The following CRYBG1 variants were observed in gnomAD, a reference collection of about 807,000 sequenced individuals.
CRYBG1 encodes beta/gamma crystallin domain-containing protein 1.
Under a neutral mutation model 189.2 loss-of-function variants are expected in CRYBG1, and 139 were observed. The observed-to-expected ratio is 0.73, with a 90% CI of 0.64 to 0.85. The LOEUF is 0.85. Ranked by LOEUF, CRYBG1 falls within the 40% of genes least tolerant of loss-of-function variation. The pLI, the probability that CRYBG1 is intolerant of heterozygous loss-of-function variation, is 0.00. For synonymous variants in CRYBG1, 1,023 were observed against 1,017.1 expected (o/e 1.01, Z -0.11); for missense variants, 2,611 against 2,675.8 (o/e 0.98, Z 0.53).
Position 106,519,311 on chromosome 6 carries a change from A to G in CRYBG1, c.2103A>G (p.Gln701=), listed in dbSNP as rs1324693785. 3 of 1,614,042 alleles carry G rather than the reference A, an allele frequency of 1.9e-6. No homozygotes were observed. The highest frequency in any genetic ancestry group is 1.7e-5 in the Admixed American group (1 of 59,988). The change falls in exon 4 of 22, where the codon CAA becomes CAG. Residue 701 remains glutamine (Q), a synonymous_variant. Coordinates refer to ENST00000633556, the MANE Select transcript of CRYBG1 (RefSeq NM_001371242.2). ...CAAGACACACTGACATTCGAGGCCA[A>G]AGGAATACTCCTGCCTCTAGTAAAA... is the stretch of plus-strand genomic sequence containing the variant. The part of the protein sequence containing the change: ...SSPRHTDIRG[Q]RNTPASSKTF...
At chr6:106,378,513 T>C (rs578061812) in intron 1 of CRYBG1, among the ~76,000 whole-genome samples, 2 of 152,330 alleles carry the variant, frequency 1.3e-5, no homozygotes, top group Non-Finnish European at 2.9e-5. Flanking sequence ...CCATATTTCT[T>C]CTTTAGCTGC....
At chr6:106,536,307 C>T (rs1774003545) in intron 8 of CRYBG1, among the ~76,000 whole-genome samples, 1 of 152,222 alleles carries the variant, frequency 6.6e-6, no homozygotes, top group East Asian at 1.9e-4. Context: ...CATGTGCTAA[C>T]TAGCTTGCCC....
intron 6 of CRYBG1, among the ~76,000 whole-genome samples, chr6:106,526,411 C>T (rs1374343518): frequency 6.6e-6 from 1 of 152,112 alleles, no homozygotes; most frequent in Admixed American, 6.5e-5. Flanking sequence ...TTTTATGGAA[C>T]AGTACTTTTT....
chr6:106,365,481 G>A (rs75311326), intron 1 of CRYBG1, among the ~76,000 whole-genome samples: 29 of 150,216 alleles, frequency 1.9e-4, no homozygotes, highest in African/African-American at 7.0e-4. Flanking sequence ...TAGAGACAGG[G>A]TCTCACTATG....
chr6:106,517,519 CATAT>C (rs1414423648), intron 3 of CRYBG1, among the ~76,000 whole-genome samples: 1 of 150,776 alleles, frequency 6.6e-6, no homozygotes. Context: ...TACACACACA[CATAT>C]ATATAAGCTT....
At chr6:106,387,311 A>G (rs922371086) in intron 1 of CRYBG1, among the ~76,000 whole-genome samples, 13 of 152,204 alleles carry the variant, frequency 8.5e-5, no homozygotes, top group African/African-American at 3.1e-4. Flanking sequence ...TTGTGATACA[A>G]ATACTGGGAG....
intron 2 of CRYBG1, among the ~76,000 whole-genome samples, chr6:106,488,458 A>G (rs1234889563): frequency 2.0e-5 from 3 of 152,216 alleles, no homozygotes; most frequent in Non-Finnish European, 4.4e-5. Flanking sequence ...ACAGTTGTGC[A>G]CAACTCTCTC....
chr6:106,446,185 C>A (rs903362331), intron 1 of CRYBG1, among the ~76,000 whole-genome samples: 9 of 152,216 alleles, frequency 5.9e-5, no homozygotes, highest in Non-Finnish European at 1.2e-4. Flanking sequence ...AGAGGTTGCT[C>A]AGTAAATGGT....
chr6:106,361,838 A>G (rs559218283), intron 1 of CRYBG1, among the ~76,000 whole-genome samples: 8 of 152,146 alleles, frequency 5.3e-5, no homozygotes, highest in Non-Finnish European at 7.3e-5. Flanking sequence ...TGAAATATTT[A>G]TAGTGATGGA....
intron 13 of CRYBG1, among the ~76,000 whole-genome samples, chr6:106,546,210 TGG>T (rs1439796519): frequency 6.6e-6 from 1 of 151,638 alleles, no homozygotes; most frequent in African/African-American, 2.4e-5. Flanking sequence ...TCAGAAAGAG[TGG>T]GGAGATAGAT....
intron 2 of CRYBG1, 139 bp from the exon 3 acceptor site, chr6:106,511,291 G>A: frequency 1.2e-6 from 1 of 854,022 alleles, no homozygotes; most frequent in South Asian, 2.5e-5. Flanking sequence ...TGGAATGAAT[G>A]TAACATAAAC....
In CRYBG1 at chr6:106,512,924, C is replaced by A; in HGVS notation, c.1807C>A (p.Arg603=). 6.2e-7 allele frequency: 1 copy of A among 1,608,048 alleles called. No individual in the cohort carries two copies. The highest frequency in any genetic ancestry group is 8.5e-7 in the Non-Finnish European group (1 of 1,177,624). ...CTTCAACGGCCGGGCAGAGGGAGGT[C>A]GAAGCAGAGAGCTGGGCAGAGCGGC... ...NHFNGRAEGG[R]SRELGRAAGA... is the part of the protein sequence containing the mutation. Residue 603 remains arginine (R), a synonymous_variant, in exon 3 of 22, where the codon CGA becomes AGA. Transcript: ENST00000633556.
rs895177887 is a variant in CRYBG1, at chr6:106,511,453, C to T, written c.336C>T (p.Asp112=). 3.9e-6 allele frequency: 6 copies of T among 1,535,752 alleles called. No individual in the cohort carries two copies. The highest frequency in any genetic ancestry group is 5.2e-6 in the Non-Finnish European group (6 of 1,146,646). ...AGTCCAGAGCACAACCTCCAGAAGA[C>T]AACAGAAGGAAGCCAGTTTTGGGGA... The part of the protein sequence containing the change: ...FKKSRAQPPE[D]NRRKPVLGKL... Residue 112 remains aspartate, a synonymous_variant, in exon 3 of 22, where the codon GAC becomes GAT. Transcript: ENST00000633556.
intron 7 of CRYBG1, among the ~76,000 whole-genome samples, chr6:106,528,469 G>A (rs973374531): frequency 4.3e-4 from 66 of 152,042 alleles, no homozygotes; most frequent in Non-Finnish European, 2.2e-4. Context: ...CCCTTTGTTG[G>A]CCATATTCTA....
intron 13 of CRYBG1, among the ~76,000 whole-genome samples, chr6:106,548,987 T>C (rs1353705349): frequency 1.4e-5 from 2 of 146,924 alleles, no homozygotes; most frequent in Non-Finnish European, 3.0e-5. Flanking sequence ...AGTGAGAACA[T>C]GCGGTGTTTG....
intron 1 of CRYBG1, 30 bp from the exon 2 acceptor site, chr6:106,451,664 T>C (rs1414504540): frequency 2.6e-6 from 4 of 1,525,008 alleles, no homozygotes; most frequent in Non-Finnish European, 3.5e-6. Context: ...TCATAGTGTA[T>C]TGACATGACT....
chr6:106,520,011 C>T lies in CRYBG1; in HGVS notation c.2803C>T (p.Pro935Ser), dbSNP rs1773551674. 1.9e-6 allele frequency: 3 copies of T among 1,614,194 alleles called. No homozygotes were observed. Among genetic ancestry groups the T allele is most frequent in the Non-Finnish European group, 1.7e-6 (2 of 1,180,042 alleles). ...LLELGGETTP[P>S]LSTERSPEAV... ...AGAACTTGGAGGAGAAACAACCCCT[C>T]CTTTGTCCACAGAGCGTAGTCCAGA... The change falls in exon 4 of 22, where the codon CCT becomes TCT. Residue 935 changes from proline (P) to serine (S), a missense_variant. Around this residue, in one of 3 missense-constraint regions of CRYBG1, gnomAD observed 1,622 missense variants for 1,735.0 expected, o/e 0.93. Transcript: ENST00000633556.
intron 3 of CRYBG1, 61 bp from the exon 4 acceptor site, chr6:106,519,070 T>C: frequency 9.9e-6 from 15 of 1,513,340 alleles, no homozygotes; most frequent in Non-Finnish European, 1.2e-5. Flanking sequence ...AATTAATTGG[T>C]TTGTGTGTTC....
intron 13 of CRYBG1, among the ~76,000 whole-genome samples, chr6:106,548,964 A>G (rs1212607480): frequency 7.3e-6 from 1 of 136,880 alleles, no homozygotes; most frequent in Non-Finnish European, 1.5e-5. Flanking sequence ...TCATTGTTCA[A>G]TTCCCACCTA....
Sources: allele counts gnomAD v4.1 joint callset (sites outside exome capture counted in the v4.1 genomes callset), GRCh38; gene constraint gnomAD v4.1.1; regional missense constraint gnomAD v4.1.1; transcripts MANE v1.5; gene names NCBI Gene and HGNC (gene_info 2026-07-23, HGNC 2026-07-21).